PCLO: variants seen among roughly 807,000 people sequenced by gnomAD.
PCLO encodes piccolo presynaptic cytomatrix protein, also known as protein piccolo.
In PCLO, 82 loss-of-function variants were observed where a neutral mutation model predicts 427.5. The ratio of observed to expected loss-of-function variants is 0.19; its 90% CI spans 0.16 to 0.23. PCLO has a LOEUF of 0.23. PCLO is among the 10% of genes least tolerant of loss of function. PCLO has a pLI of 1.00. For synonymous variants in PCLO, 2,357 were observed against 2,155.4 expected (o/e 1.09, Z -2.59); for missense variants, 6,239 against 6,115.9 (o/e 1.02, Z -0.67).
chr7:82,955,144 G>T lies in PCLO; in HGVS notation c.5809C>A (p.Arg1937=). ...KYKAFPAANE[R]DEVFEKEPLY... ...GGCTCTTTTTCAAACACTTCATCTC[G>T]TTCATTTGCAGCTGGAAAAGCTTTG... The change falls in exon 5 of 25, where the codon CGA becomes AGA. Residue 1937 remains arginine (R), a synonymous_variant. Transcript: ENST00000333891. 6.2e-7 allele frequency: 1 copy of T among 1,613,592 alleles called. No individual in the cohort carries two copies. Among genetic ancestry groups the T allele is most frequent in the South Asian group, 1.1e-5 (1 of 91,074 alleles).
At chr7:83,156,626 CTTA>C (rs1792309653) in intron 1 of PCLO, among the ~76,000 whole-genome samples, 1 of 151,092 alleles carries the variant, frequency 6.6e-6, no homozygotes, top group South Asian at 2.1e-4. Flanking sequence ...AAAACTTGCT[CTTA>C]TGAGTGATAA....
chr7:83,150,602 T>C (rs956604876), intron 2 of PCLO, among the ~76,000 whole-genome samples: 2 of 150,734 alleles, frequency 1.3e-5, no homozygotes, highest in African/African-American at 4.9e-5. Context: ...GTGTAGCTAA[T>C]TATCTAGTCC....
chr7:82,846,543 T>A, intron 12 of PCLO, 24 bp downstream of exon 12: 1 of 1,503,594 alleles, frequency 6.7e-7, no homozygotes, highest in Non-Finnish European at 9.2e-7. Context: ...TATTTACAGT[T>A]GAAACTAGAT....
intron 4 of PCLO, among the ~76,000 whole-genome samples, chr7:82,963,894 G>C (rs548152463): frequency 1.3e-5 from 2 of 151,498 alleles, no homozygotes; most frequent in African/African-American, 2.4e-5. Flanking sequence ...TATAACGAAA[G>C]AAAAAGTATA....
At chr7:83,093,492 A>ATATAT in intron 3 of PCLO, among the ~76,000 whole-genome samples, 28 of 59,324 alleles carry the variant, frequency 4.7e-4, no homozygotes, top group African/African-American at 1.3e-3. Context: ...ATATATATAT[A>ATATAT]TTTTTTTTTT....
intron 3 of PCLO, among the ~76,000 whole-genome samples, chr7:83,023,452 T>C (rs1359731109): frequency 1.3e-5 from 2 of 152,216 alleles, no homozygotes; most frequent in Non-Finnish European, 2.9e-5. Context: ...CTCTCCCATC[T>C]GAAATCTGAT....
intron 6 of PCLO, among the ~76,000 whole-genome samples, chr7:82,919,736 T>A (rs1026289059): frequency 1.3e-5 from 2 of 151,962 alleles, no homozygotes; most frequent in African/African-American, 4.8e-5. Flanking sequence ...TTTATTAGCG[T>A]TTTCTGCCAT....
chr7:82,847,090 A>G, intron 11 of PCLO, 49 bp downstream of exon 11: 1 of 922,720 alleles, frequency 1.1e-6, no homozygotes, highest in East Asian at 2.5e-5. Flanking sequence ...AAATTAAAAG[A>G]GTCATGGATA....
chr7:83,003,636 G>A (rs943093670), intron 3 of PCLO, among the ~76,000 whole-genome samples: 7 of 151,806 alleles, frequency 4.6e-5, no homozygotes, highest in Non-Finnish European at 8.8e-5. Context: ...TTAATGTGGT[G>A]TTTCACACTT....
At chr7:83,115,828 A>G (rs1349923456) in intron 3 of PCLO, among the ~76,000 whole-genome samples, 3 of 152,168 alleles carry the variant, frequency 2.0e-5, no homozygotes, top group East Asian at 1.9e-4. Flanking sequence ...TCACAGTTCT[A>G]TAGATTAATA....
chr7:83,103,848 T>A (rs1790792317), intron 3 of PCLO, among the ~76,000 whole-genome samples: 1 of 151,996 alleles, frequency 6.6e-6, no homozygotes, highest in Non-Finnish European at 1.5e-5. Context: ...GTCTCATGGG[T>A]TTCCTCAAAA....
intron 3 of PCLO, among the ~76,000 whole-genome samples, chr7:83,029,977 G>T (rs1183377354): frequency 1.9e-5 from 2 of 107,192 alleles, no homozygotes; most frequent in African/African-American, 7.0e-5. Context: ...GGGGGGAGGG[G>T]GGAGGGATAG....
chr7:82,801,304 C>A (rs1208838740), intron 22 of PCLO, among the ~76,000 whole-genome samples: 1 of 151,100 alleles, frequency 6.6e-6, no homozygotes, highest in Non-Finnish European at 1.5e-5. Flanking sequence ...TTTCAGTACC[C>A]CAAGTTACTT....
rs1211730196 is a variant in PCLO at position 82,888,074 on chromosome 7, C to CA, written c.13529-8613dup. Among the ~76,000 whole-genome samples, 141 of 122,764 alleles carry CA rather than the reference C, an allele frequency of 1.1e-3. No individual in the cohort carries two copies. In the Middle Eastern group the frequency reaches 0.028, roughly 24 times the overall value. 80.5% of individuals were successfully genotyped at this position (122,764 alleles called of 152,430 possible). On this transcript the variant is annotated intron_variant, in intron 9 of 24. Transcript: ENST00000333891. ...GACAGAGTAAGGCTCCACCTCAAAA[C>CA]AAAAAAAAAAAGAAAGAAAGAAAAT...
intron 3 of PCLO, among the ~76,000 whole-genome samples, chr7:83,071,793 C>T (rs953632346): frequency 6.6e-6 from 1 of 152,060 alleles, no homozygotes; most frequent in African/African-American, 2.4e-5. Flanking sequence ...AAACAATATA[C>T]TGATCTTTAT....
At chr7:82,860,695 A>T (rs1203749184) in intron 10 of PCLO, among the ~76,000 whole-genome samples, 2 of 152,178 alleles carry the variant, frequency 1.3e-5, no homozygotes, top group East Asian at 1.9e-4. Flanking sequence ...TTTGTAAACT[A>T]CTCTTATCCT....
chr7:82,876,455 TACACACACACAC>T (rs35270740), intron 10 of PCLO, among the ~76,000 whole-genome samples: 7 of 143,102 alleles, frequency 4.9e-5, no homozygotes, highest in African/African-American at 1.1e-4. Flanking sequence ...AAAACAAGTA[TACACACACACAC>T]ACACACACAC....
chr7:82,808,057 C>A (rs1309543157), intron 20 of PCLO, among the ~76,000 whole-genome samples: 1 of 151,774 alleles, frequency 6.6e-6, no homozygotes, highest in African/African-American at 2.4e-5. Flanking sequence ...GATTAAAATG[C>A]ATAACCTACA....
intron 13 of PCLO, among the ~76,000 whole-genome samples, chr7:82,842,312 T>C (rs1792386949): frequency 1.3e-5 from 2 of 152,098 alleles, no homozygotes; most frequent in South Asian, 2.1e-4. Flanking sequence ...CTCTAATAAA[T>C]GGTACCAGGA....
Sources: gnomAD v4.1 joint callset for allele counts (sites outside exome capture counted in the v4.1 genomes callset) on GRCh38, gnomAD v4.1.1 for gene constraint, MANE v1.5 for transcripts, NCBI Gene and HGNC (gene_info 2026-07-23, HGNC 2026-07-21) for gene names.